Variants in CISD1 observed in about 807,000 individuals in gnomAD.
CISD1 encodes CDGSH iron sulfur domain 1.
In CISD1, 8 loss-of-function variants were observed where a neutral mutation model predicts 12.0. That is an observed-to-expected ratio of 0.67 (90% CI 0.39 to 1.20). The LOEUF is 1.20. CISD1 is among the 50% of genes most tolerant of loss of function. The pLI is 0.01. For synonymous variants in CISD1, 38 were observed against 42.2 expected (o/e 0.90, Z 0.39); for missense variants, 107 against 132.7 (o/e 0.81, Z 0.95).
chr10:58,287,551 C>G lies in CISD1; in HGVS notation c.238-10C>G. 2 of 1,588,170 alleles carry G rather than the reference C, an allele frequency of 1.3e-6. No individual in the cohort carries two copies. Among genetic ancestry groups the G allele is most frequent in the Non-Finnish European group, 1.7e-6 (2 of 1,161,406 alleles). ...ATTAGATGTTTCACATTCATTCTTT[C>G]TCTTCCTAGTTCCCATTCTGTGATG... is the stretch of plus-strand genomic sequence containing the variant. On this transcript the variant is annotated splice_polypyrimidine_tract_variant and intron_variant, in intron 2 of 2. Transcript: ENST00000333926.
At chr10:58,278,066 G>A (rs1478533645) in intron 2 of CISD1, among the ~76,000 whole-genome samples, 2 of 152,034 alleles carry the variant, frequency 1.3e-5, no homozygotes, top group African/African-American at 4.8e-5. Context: ...AGTCCCTTTT[G>A]GAGGTGTCAT....
intron 1 of CISD1, chr10:58,273,274 A>G (rs1055430022): frequency 2.0e-5 from 3 of 152,174 alleles, no homozygotes; most frequent in African/African-American, 7.2e-5. Flanking sequence ...TTTTGACTCA[A>G]CCAACATTAT....
rs1839452803 is a variant in CISD1 at position 58,288,367 on chromosome 10, T to G, written c.*717T>G. On this transcript the variant is annotated 3_prime_UTR_variant, in exon 3 of 3. Coordinates refer to ENST00000333926, the MANE Select transcript of CISD1 (RefSeq NM_018464.5). ...TTTAAATTAGTCATGAAGAATGTCTTAAAATCTAATGTTCCAGAATTCTGG... is the reference window on the plus strand; with the variant it reads ...TTTAAATTAGTCATGAAGAATGTCTGAAAATCTAATGTTCCAGAATTCTGG... The G allele has an allele frequency of 6.6e-6, 1 of 152,316 alleles. No individual in the cohort carries two copies. The highest frequency in any genetic ancestry group is 2.4e-5 in the African/African-American group (1 of 41,456). 9.4% of individuals were successfully genotyped at this position (152,316 alleles called of 1,614,324 possible).
At chr10:58,283,808 A>C (rs1291599583) in intron 2 of CISD1, among the ~76,000 whole-genome samples, 1 of 152,186 alleles carries the variant, frequency 6.6e-6, no homozygotes, top group African/African-American at 2.4e-5. Context: ...GTAGTGTTCA[A>C]ATTGGGTTAA....
At chr10:58,278,045 G>A (rs1363636812) in intron 2 of CISD1, among the ~76,000 whole-genome samples, 3 of 152,080 alleles carry the variant, frequency 2.0e-5, no homozygotes, top group East Asian at 1.9e-4. Context: ...TATGAGAATT[G>A]TATTTTATCA....
intron 1 of CISD1, among the ~76,000 whole-genome samples, chr10:58,275,716 G>A (rs979671774): frequency 7.9e-5 from 12 of 152,106 alleles, no homozygotes; most frequent in Non-Finnish European, 1.5e-4. Context: ...AGGATAAACC[G>A]GAAGAGGCAG....
At position 58,283,638 on chromosome 10, in the gene CISD1, T is replaced by G. The variant is rs563605403; in HGVS notation, c.238-3923T>G. The stretch of plus-strand genomic sequence containing the variant: ...TAAAACAGAGGCATAACTTGAGATG[T>G]GGGGCCATTAAAAAGAAATGTTGTG... On this transcript the variant is annotated intron_variant, in intron 2 of 2. Transcript: ENST00000333926. Among the ~76,000 whole-genome samples the G allele has an allele frequency of 4.6e-5, 7 of 152,334 alleles. No homozygotes were observed. In the South Asian group the frequency reaches 1.2e-3, roughly 27 times the overall value.
chr10:58,277,705 G>A lies in CISD1; in HGVS notation c.237+383G>A, dbSNP rs940981682. Among the ~76,000 whole-genome samples the A allele has an allele frequency of 4.0e-5, 6 of 150,736 alleles. No homozygotes were observed. The South Asian group carries it at 8.4e-4, about 21-fold the overall frequency. ...TCTAACCAGTATGCAGTAGAATTACGTTGTACCCTCATCGAGTTCAGGCAG... is the reference window on the plus strand; with the variant it reads ...TCTAACCAGTATGCAGTAGAATTACATTGTACCCTCATCGAGTTCAGGCAG... On this transcript the variant is annotated intron_variant, in intron 2 of 2. Transcript: ENST00000333926.
intron 2 of CISD1, among the ~76,000 whole-genome samples, 156 bp from the exon 3 acceptor site, chr10:58,287,405 G>A (rs1839440883): frequency 6.6e-6 from 1 of 152,120 alleles, no homozygotes; most frequent in Non-Finnish European, 1.5e-5. Flanking sequence ...ATCTTACTAA[G>A]TAGCATATGT....
In CISD1 at chr10:58,269,268, G is replaced by T. The variant is rs1314854520; in HGVS notation, c.-6G>T. 6.2e-7 allele frequency: 1 copy of T among 1,608,580 alleles called. No homozygotes were observed. Among genetic ancestry groups the T allele is most frequent in the Non-Finnish European group, 8.5e-7 (1 of 1,179,748 alleles). ...CTAGTGCACACGCCTTGCAAGCGACGGCGCCATGAGTCTGACTTCCAGTTC... is the reference window on the plus strand; with the variant it reads ...CTAGTGCACACGCCTTGCAAGCGACTGCGCCATGAGTCTGACTTCCAGTTC... On this transcript the variant is annotated 5_prime_UTR_variant, in exon 1 of 3. Coordinates refer to ENST00000333926, the MANE Select transcript of CISD1 (RefSeq NM_018464.5).
At chr10:58,286,171 T>C (rs577811647) in intron 2 of CISD1, among the ~76,000 whole-genome samples, 97 of 149,988 alleles carry the variant, frequency 6.5e-4, no homozygotes, top group Non-Finnish European at 6.2e-4. Flanking sequence ...CGCCACTGCA[T>C]TCCAGCCTGG....
intron 2 of CISD1, among the ~76,000 whole-genome samples, chr10:58,281,589 G>T (rs554679821): frequency 6.6e-6 from 1 of 152,354 alleles, no homozygotes; most frequent in Non-Finnish European, 1.5e-5. Flanking sequence ...CAGGTGCCAA[G>T]TCACACACTT....
At chr10:58,285,678 ATAT>A (rs1839420802) in intron 2 of CISD1, among the ~76,000 whole-genome samples, 1 of 152,240 alleles carries the variant, frequency 6.6e-6, no homozygotes, top group African/African-American at 2.4e-5. Flanking sequence ...GTTAAGTGAA[ATAT>A]TATTAAATTC....
chr10:58,277,084 TTG>T (rs781287023), intron 1 of CISD1, 31 bp from the exon 2 acceptor site: 2 of 1,514,284 alleles, frequency 1.3e-6, no homozygotes, highest in Non-Finnish European at 1.8e-6. Context: ...TATTTTGGTT[TTG>T]ATAATTATTT....
chr10:58,274,610 A>T (rs773896481), intron 1 of CISD1, among the ~76,000 whole-genome samples: 1 of 151,800 alleles, frequency 6.6e-6, no homozygotes, highest in Non-Finnish European at 1.5e-5. Flanking sequence ...TGGTACTGTG[A>T]CATTGGCATA....
chr10:58,275,891 G>T (rs1839310406), intron 1 of CISD1, among the ~76,000 whole-genome samples: 1 of 152,168 alleles, frequency 6.6e-6, no homozygotes, highest in Non-Finnish European at 1.5e-5. Context: ...GGTACTATTA[G>T]GTATGGTGAA....
At chr10:58,277,013 A>G (rs1286991430) in intron 1 of CISD1, 104 bp from the exon 2 acceptor site, 11 of 741,532 alleles carry the variant, frequency 1.5e-5, no homozygotes, top group Non-Finnish European at 2.3e-5. Flanking sequence ...ACCTTGGACT[A>G]TTAGGATGCT....
intron 2 of CISD1, among the ~76,000 whole-genome samples, chr10:58,280,883 C>T (rs1012667659): frequency 3.3e-5 from 5 of 152,136 alleles, no homozygotes; most frequent in African/African-American, 1.2e-4. Flanking sequence ...TAAGCAATTG[C>T]CATTTTGGTG....
chr10:58,274,291 T>G (rs1479400318), intron 1 of CISD1, among the ~76,000 whole-genome samples: 1 of 152,152 alleles, frequency 6.6e-6, no homozygotes, highest in East Asian at 1.9e-4. Flanking sequence ...GTTCTTTCTT[T>G]ATCCTAATTG....
Sources: gnomAD v4.1 joint callset for allele counts (sites outside exome capture counted in the v4.1 genomes callset) on GRCh38, gnomAD v4.1.1 for gene constraint, MANE v1.5 for transcripts, NCBI Gene and HGNC (gene_info 2026-07-23, HGNC 2026-07-21) for gene names.